GDAP2: variants seen among roughly 807,000 people sequenced by gnomAD.
GDAP2 encodes ganglioside-induced differentiation-associated protein 2.
GDAP2 carries 51 observed loss-of-function variants against 67.0 expected under a neutral mutation model. The ratio of observed to expected loss-of-function variants is 0.76; its 90% CI spans 0.61 to 0.96. The LOEUF (loss-of-function observed/expected upper bound fraction) is 0.96. Ranked by LOEUF, GDAP2 falls within the 40% of genes least tolerant of loss-of-function variation. GDAP2 has a pLI of 0.00. For missense variants in GDAP2, 547 were observed against 588.3 expected (o/e 0.93, Z 0.73); for synonymous variants, 203 against 207.3 (o/e 0.98, Z 0.18).
intron 1 of GDAP2, among the ~76,000 whole-genome samples, chr1:117,927,701 G>T (rs1396539829): frequency 2.0e-5 from 3 of 152,176 alleles, no homozygotes; most frequent in Admixed American, 1.3e-4. Flanking sequence ...AAGATTTTCA[G>T]ATTGGAAGAC....
chr1:117,912,882 A>C (rs905787848), intron 3 of GDAP2, among the ~76,000 whole-genome samples, 199 bp from the exon 4 acceptor site: 1 of 152,218 alleles, frequency 6.6e-6, no homozygotes, highest in African/African-American at 2.4e-5. Flanking sequence ...AAGCACAGAG[A>C]CAGATAAAGA....
intron 13 of GDAP2, among the ~76,000 whole-genome samples, chr1:117,874,822 G>C (rs1389759190): frequency 2.6e-5 from 4 of 152,194 alleles, no homozygotes; most frequent in Non-Finnish European, 5.9e-5. Flanking sequence ...TTAGGAATTA[G>C]AGCAAAGGTC....
Position 117,865,241 on chromosome 1 carries a change from G to A in GDAP2, c.*5328C>T, listed in dbSNP as rs1256340778. 2 of 151,966 alleles carry A rather than the reference G, an allele frequency of 1.3e-5. No homozygotes were observed. The highest frequency in any genetic ancestry group is 4.8e-5 in the African/African-American group (2 of 41,364). The allele number at this position is 151,966 out of a possible 1,614,324, so 9.4% of individuals were successfully genotyped here. On this transcript the variant is annotated 3_prime_UTR_variant, in exon 14 of 14. Transcript: ENST00000369443. ...AATTAGAGAAAGACCTCATGTAAAT[G>A]GTCAAAAAATAATGTCCCATCCTGG...
chr1:117,928,986 G>A (rs1260789243), intron 1 of GDAP2, among the ~76,000 whole-genome samples: 1 of 152,130 alleles, frequency 6.6e-6, no homozygotes, highest in Non-Finnish European at 1.5e-5. Flanking sequence ...CACAAAGCCA[G>A]GCCAGTGTCA....
At chr1:117,883,455 A>G in intron 11 of GDAP2, 33 bp downstream of exon 11, 121 of 1,402,796 alleles carry the variant, frequency 8.6e-5, no homozygotes, top group Non-Finnish European at 1.1e-4. Context: ...GAAAGAAACT[A>G]TTTCCCCTTC....
intron 6 of GDAP2, among the ~76,000 whole-genome samples, chr1:117,903,809 A>C (rs1002825927): frequency 2.0e-5 from 3 of 152,180 alleles, no homozygotes; most frequent in African/African-American, 7.2e-5. Context: ...GAGAAGACAA[A>C]TGAAGAAAAC....
At chr1:117,898,864 G>A (rs1649349639) in intron 7 of GDAP2, among the ~76,000 whole-genome samples, 193 bp downstream of exon 7, 2 of 152,108 alleles carry the variant, frequency 1.3e-5, no homozygotes, top group African/African-American at 2.4e-5. Context: ...CAGACTTGAC[G>A]TATATCTATC....
intron 6 of GDAP2, among the ~76,000 whole-genome samples, chr1:117,899,647 T>C (rs1417320740): frequency 1.3e-5 from 2 of 152,180 alleles, no homozygotes; most frequent in Non-Finnish European, 2.9e-5. Context: ...GTTTATTCTT[T>C]CTTAAAAGTT....
At chr1:117,913,935 G>GA (rs747095443) in intron 3 of GDAP2, among the ~76,000 whole-genome samples, 1 of 152,144 alleles carries the variant, frequency 6.6e-6, no homozygotes, top group Non-Finnish European at 1.5e-5. Context: ...TCTGCCACGT[G>GA]AAAATACAAT....
intron 13 of GDAP2, among the ~76,000 whole-genome samples, chr1:117,871,499 A>C (rs1422905193): frequency 2.0e-5 from 3 of 152,234 alleles, no homozygotes; most frequent in Non-Finnish European, 4.4e-5. Flanking sequence ...AATAGTTTGA[A>C]ATGAAGAATA....
chr1:117,892,025 T>C (rs375922535), intron 8 of GDAP2, among the ~76,000 whole-genome samples: 14 of 152,148 alleles, frequency 9.2e-5, no homozygotes, highest in African/African-American at 3.4e-4. Context: ...GAGAAGTTTA[T>C]AGTTTACATC....
Position 117,883,641 on chromosome 1 carries a change from G to C in GDAP2, c.1108-14C>G, listed in dbSNP as rs1026755505. 2 of 1,579,262 alleles carry C rather than the reference G, an allele frequency of 1.3e-6. No homozygotes were observed. Among genetic ancestry groups the C allele is most frequent in the Non-Finnish European group, 1.7e-6 (2 of 1,153,174 alleles). On this transcript the variant is annotated splice_polypyrimidine_tract_variant and intron_variant, in intron 10 of 13. Coordinates refer to ENST00000369443, the MANE Select transcript of GDAP2 (RefSeq NM_017686.4). The stretch of plus-strand genomic sequence containing the variant: ...ATATAAGAGAGCCTAAAAGATAAAA[G>C]GGGAATAAAGGTGAAGATCATTTTG...
At chr1:117,915,356 T>C (rs1261417225) in intron 3 of GDAP2, among the ~76,000 whole-genome samples, 1 of 152,246 alleles carries the variant, frequency 6.6e-6, no homozygotes, top group Non-Finnish European at 1.5e-5. Flanking sequence ...GACAGGGGAC[T>C]GTGCTGGATT....
rs1382251565 is a variant in GDAP2 at position 117,867,227 on chromosome 1, A to C, written c.*3342T>G. The C allele has an allele frequency of 1.3e-5, 2 of 152,174 alleles. No homozygotes were observed. Among genetic ancestry groups the C allele is most frequent in the Non-Finnish European group, 2.9e-5 (2 of 68,026 alleles). The allele number at this position is 152,174 out of a possible 1,614,324, so 9.4% of individuals were successfully genotyped here. A position where few individuals can be genotyped will look rare whatever the true frequency, so the allele number is the denominator to read the frequency against. The stretch of plus-strand genomic sequence containing the variant: ...AAACAGAAAAGAAGAGGAAATAGGC[A>C]AGCCATGTTTTTCTACTAGAGTGAC... On this transcript the variant is annotated 3_prime_UTR_variant, in exon 14 of 14. Transcript: ENST00000369443.
chr1:117,897,638 T>C (rs1441965440), intron 7 of GDAP2, among the ~76,000 whole-genome samples: 1 of 152,252 alleles, frequency 6.6e-6, no homozygotes, highest in Non-Finnish European at 1.5e-5. Context: ...GAAATCAGTC[T>C]CTTGGGAACA....
intron 13 of GDAP2, among the ~76,000 whole-genome samples, chr1:117,874,159 T>C (rs924431875): frequency 1.3e-5 from 2 of 152,208 alleles, no homozygotes; most frequent in East Asian, 1.9e-4. Flanking sequence ...CTGCTATAGT[T>C]TGAATATCTG....
At chr1:117,900,117 C>T (rs954318997) in intron 6 of GDAP2, among the ~76,000 whole-genome samples, 5 of 152,004 alleles carry the variant, frequency 3.3e-5, no homozygotes, top group Non-Finnish European at 7.4e-5. Context: ...CCATAAAATT[C>T]ACCCTTTTAA....
At chr1:117,918,984 T>G (rs1650147934) in intron 2 of GDAP2, among the ~76,000 whole-genome samples, 1 of 152,188 alleles carries the variant, frequency 6.6e-6, no homozygotes, top group Non-Finnish European at 1.5e-5. Context: ...CATTACTTAT[T>G]ATGGCCAGAG....
chr1:117,882,968 A>G (rs1187901529), intron 11 of GDAP2: 2 of 152,230 alleles, frequency 1.3e-5, no homozygotes, highest in African/African-American at 4.8e-5. Flanking sequence ...GGTATCATGT[A>G]TTTTCTGGTT....
Sources: allele counts gnomAD v4.1 joint callset (sites outside exome capture counted in the v4.1 genomes callset), GRCh38; gene constraint gnomAD v4.1.1; transcripts MANE v1.5; gene names NCBI Gene and HGNC (gene_info 2026-07-23, HGNC 2026-07-21).